Variants in SLCO4C1 observed in about 807,000 individuals in gnomAD.
SLCO4C1 encodes the protein organic anion transporter M1.
A neutral mutation model predicts 72.1 loss-of-function variants in SLCO4C1; 58 were observed. That is an observed-to-expected ratio of 0.80 (90% CI 0.65 to 1.00). The LOEUF is 1.00. SLCO4C1 is among the 50% of genes least tolerant of loss of function. SLCO4C1 has a pLI of 0.00. For synonymous variants in SLCO4C1, 297 were observed against 312.5 expected (o/e 0.95, Z 0.52); for missense variants, 898 against 857.9 (o/e 1.05, Z -0.58).
rs1191194752 is a variant in SLCO4C1, at chr5:102,260,326, A to C, written c.1022-7T>G. 2 of 372,968 alleles carry C rather than the reference A, an allele frequency of 5.4e-6. No individual in the cohort carries two copies. Among genetic ancestry groups the C allele is most frequent in the Non-Finnish European group, 7.7e-6 (2 of 260,732 alleles). 23.1% of individuals were successfully genotyped at this position (372,968 alleles called of 1,614,324 possible). ...GCTTGAATTTCTGCTGTACCTAAAA[A>C]AAAAATATATATATATATATAATAT... On this transcript the variant is annotated splice_region_variant and splice_polypyrimidine_tract_variant and intron_variant, in intron 5 of 12. Transcript: ENST00000310954.
chr5:102,293,590 T>C (rs1013426176), intron 1 of SLCO4C1, among the ~76,000 whole-genome samples: 3 of 152,222 alleles, frequency 2.0e-5, no homozygotes, highest in Admixed American at 6.5e-5. Flanking sequence ...TCGAGAAATT[T>C]TGTTTTTCTT....
chr5:102,251,085 G>C (rs1282613257), intron 8 of SLCO4C1, among the ~76,000 whole-genome samples: 7 of 152,114 alleles, frequency 4.6e-5, no homozygotes, highest in Non-Finnish European at 8.8e-5. Context: ...AAAGGCATAG[G>C]GTAGAGAAAC....
intron 5 of SLCO4C1, among the ~76,000 whole-genome samples, chr5:102,260,638 A>T (rs970386980): frequency 6.6e-6 from 1 of 151,988 alleles, no homozygotes; most frequent in African/African-American, 2.4e-5. Flanking sequence ...ATTTTGCTCC[A>T]ATCACACATC....
Position 102,257,165 on chromosome 5 carries a change from A to G in SLCO4C1, c.1419T>C (p.Tyr473=). 1 of 1,603,794 alleles carries G rather than the reference A, an allele frequency of 6.2e-7. No homozygotes were observed. Among genetic ancestry groups the G allele is most frequent in the Non-Finnish European group, 8.5e-7 (1 of 1,176,068 alleles). Residue 473 remains tyrosine, a synonymous_variant, in exon 8 of 13, where the codon TAT becomes TAC. Transcript: ENST00000310954. The part of the protein sequence containing the change: ...VALTLSFVFM[Y]AKCENEPFAG... ...CAAATGGCTCATTTTCACATTTGGC[A>G]TACATAAATACAAAACTCAGCGTAA...
At chr5:102,268,616 A>C (rs3096197) in intron 3 of SLCO4C1, among the ~76,000 whole-genome samples, 88,413 of 151,904 alleles carry the variant, frequency 0.58, 26,371 homozygotes, top group East Asian at 0.69. Flanking sequence ...TATCATTGAT[A>C]ATTGTTTTCT....
At chr5:102,260,833 CA>C (rs1461677445) in intron 5 of SLCO4C1, among the ~76,000 whole-genome samples, 4 of 151,894 alleles carry the variant, frequency 2.6e-5, no homozygotes, top group African/African-American at 7.3e-5. Flanking sequence ...ATGGTACTGC[CA>C]ACAAATTTGA....
intron 1 of SLCO4C1, 79 bp from the exon 2 acceptor site, chr5:102,291,685 T>C (rs1051442099): frequency 8.9e-6 from 11 of 1,238,468 alleles, no homozygotes; most frequent in Non-Finnish European, 1.2e-5. Context: ...AAGTAGAGTT[T>C]GATTATTCAT....
At chr5:102,249,387 T>C (rs1333810164) in intron 9 of SLCO4C1, among the ~76,000 whole-genome samples, 1 of 152,058 alleles carries the variant, frequency 6.6e-6, no homozygotes, top group Non-Finnish European at 1.5e-5. Flanking sequence ...TTTGAAAAGG[T>C]AAAAGATATT....
chr5:102,239,132 G>A, intron 12 of SLCO4C1, 119 bp downstream of exon 12: 2 of 837,004 alleles, frequency 2.4e-6, no homozygotes, highest in South Asian at 5.2e-5. Flanking sequence ...ACTACTGGAT[G>A]GTTCAACAAT....
At chr5:102,250,160 C>G (rs940144740) in intron 8 of SLCO4C1, among the ~76,000 whole-genome samples, 1 of 152,124 alleles carries the variant, frequency 6.6e-6, no homozygotes, top group Non-Finnish European at 1.5e-5. Context: ...TTACAGCAAC[C>G]AAAATATCTC....
chr5:102,254,888 C>T (rs1748805584), intron 8 of SLCO4C1, among the ~76,000 whole-genome samples: 1 of 152,048 alleles, frequency 6.6e-6, no homozygotes, highest in Non-Finnish European at 1.5e-5. Flanking sequence ...CCACAATATC[C>T]TCAACATATG....
At chr5:102,282,715 G>A (rs1749379471) in intron 2 of SLCO4C1, among the ~76,000 whole-genome samples, 3 of 152,010 alleles carry the variant, frequency 2.0e-5, no homozygotes, top group Admixed American at 2.0e-4. Context: ...ATGTAAAGAT[G>A]TGTGAATGTT....
chr5:102,265,742 G>A (rs1393571373), intron 3 of SLCO4C1, among the ~76,000 whole-genome samples: 2 of 152,122 alleles, frequency 1.3e-5, no homozygotes, highest in African/African-American at 4.8e-5. Context: ...ATCAGATAGT[G>A]TGATGCTTTC....
At chr5:102,249,116 A>G (rs1417652274) in intron 9 of SLCO4C1, among the ~76,000 whole-genome samples, 2 of 152,186 alleles carry the variant, frequency 1.3e-5, no homozygotes, top group Non-Finnish European at 1.5e-5. Flanking sequence ...AAGATCTTAA[A>G]TAGTTAGGGA....
Position 102,268,196 on chromosome 5 carries a change from C to T in SLCO4C1, c.802+2428G>A, listed in dbSNP as rs543103395. 7.9e-5 allele frequency among the ~76,000 whole-genome samples: 12 copies of T among 152,120 alleles called. No homozygotes were observed. In the South Asian group the frequency reaches 2.3e-3, roughly 29 times the overall value. ...TGCTGGAAGTGGGGCATTAAAGTTCCCAACTGTTATTATGTTGGGGTCCAT... is the reference window on the plus strand; with the variant it reads ...TGCTGGAAGTGGGGCATTAAAGTTCTCAACTGTTATTATGTTGGGGTCCAT... On this transcript the variant is annotated intron_variant, in intron 3 of 12. Coordinates refer to ENST00000310954, the MANE Select transcript of SLCO4C1 (RefSeq NM_180991.5).
At chr5:102,280,025 A>AC (rs1749322829) in intron 2 of SLCO4C1, among the ~76,000 whole-genome samples, 2 of 149,426 alleles carry the variant, frequency 1.3e-5, no homozygotes, top group South Asian at 4.2e-4. Context: ...GGAAGAAGGT[A>AC]AGAACAATCA....
At position 102,249,719 on chromosome 5, in the gene SLCO4C1, A is replaced by T; in HGVS notation, c.1539T>A (p.Tyr513Ter). ...ATTGGACTCCATCTCCACAGACAGG[A>T]TAATAATATGATCGCGAACAGTTAC... ...ANCNCSRSYY[Y>*]PVCGDGVQYF... Residue 513 changes from tyrosine to a stop codon, truncating the protein, a stop_gained, in exon 9 of 13, where the codon TAT becomes TAA. Coordinates refer to ENST00000310954, the MANE Select transcript of SLCO4C1 (RefSeq NM_180991.5). LOFTEE classifies it high-confidence loss of function. The T allele has an allele frequency of 6.2e-7, 1 of 1,614,048 alleles. No homozygotes were observed. Among genetic ancestry groups the T allele is most frequent in the Non-Finnish European group, 8.5e-7 (1 of 1,179,946 alleles).
intron 8 of SLCO4C1, among the ~76,000 whole-genome samples, chr5:102,253,947 A>C (rs1033000036): frequency 3.2e-5 from 3 of 94,852 alleles, no homozygotes; most frequent in Admixed American, 3.1e-4. Context: ...TAAAAGTTGA[A>C]ATTATTTATA....
At chr5:102,250,877 C>T (rs1430058813) in intron 8 of SLCO4C1, among the ~76,000 whole-genome samples, 2 of 151,922 alleles carry the variant, frequency 1.3e-5, no homozygotes, top group Non-Finnish European at 1.5e-5. Context: ...AGTCCCAGTT[C>T]TCGGGAGGCT....
Sources: gnomAD v4.1 joint callset for allele counts (sites outside exome capture counted in the v4.1 genomes callset) on GRCh38, gnomAD v4.1.1 for gene constraint, MANE v1.5 for transcripts, NCBI Gene and HGNC (gene_info 2026-07-23, HGNC 2026-07-21) for gene names.